The following MKI67 variants were observed in gnomAD, a reference collection of about 807,000 sequenced individuals.
MKI67 encodes proliferation marker protein Ki-67.
A neutral mutation model predicts 233.5 loss-of-function variants in MKI67; 152 were observed. The ratio of observed to expected loss-of-function variants is 0.65; its 90% CI spans 0.57 to 0.74. The LOEUF (loss-of-function observed/expected upper bound fraction) is 0.74. MKI67 is among the 30% of genes least tolerant of loss of function. The probability of loss-of-function intolerance (pLI) is 0.00; values close to 1 mark genes in which losing one functional copy is unlikely to be tolerated. For missense variants in MKI67, 3,940 were observed against 3,885.2 expected (o/e 1.01, Z -0.37); for synonymous variants, 1,465 against 1,418.5 (o/e 1.03, Z -0.74).
At chr10:128,112,573 T>C (rs1852705484) in intron 8 of MKI67, 128 bp from the exon 9 acceptor site, 2 of 911,588 alleles carry the variant, frequency 2.2e-6, no homozygotes, top group Middle Eastern at 2.4e-4. Context: ...CTTAAGCCAC[T>C]GTCTTTGAAG....
Position 128,125,475 on chromosome 10 carries a change from G to A in MKI67, c.92+101C>T. 1 of 885,794 alleles carries A rather than the reference G, an allele frequency of 1.1e-6. No individual in the cohort carries two copies. Among genetic ancestry groups the A allele is most frequent in the Middle Eastern group, 3.4e-4 (1 of 2,966 alleles). 54.9% of individuals were successfully genotyped at this position (885,794 alleles called of 1,614,324 possible). A position where few individuals can be genotyped will look rare whatever the true frequency, so the allele number is the denominator to read the frequency against. ...GGGAGAAGCACCAAGGAAAAGTGAC[G>A]GCAGGACCCAATCCTAGAGCGCGTT... On this transcript the variant is annotated intron_variant, in intron 2 of 14. Coordinates refer to ENST00000368654, the MANE Select transcript of MKI67 (RefSeq NM_002417.5). The surrounding 1 kb of genome is among the most constrained non-coding windows in gnomAD (Gnocchi z 5.3).
intron 7 of MKI67, 48 bp downstream of exon 7, chr10:128,114,880 A>C (rs1565011635): frequency 6.8e-7 from 1 of 1,476,734 alleles, no homozygotes; most frequent in African/African-American, 1.4e-5. Context: ...AGCTACATAG[A>C]AGGTGTTCAT....
rs1852511611 is a variant in MKI67, at chr10:128,106,853, G to T, written c.4987C>A (p.His1663Asn). The T allele has an allele frequency of 2.5e-6, 4 of 1,614,024 alleles. No homozygotes were observed. The African/African-American group carries it at 4.0e-5, about 16-fold the overall frequency. The change falls in exon 13 of 15, where the codon CAC (histidine) becomes AAC (asparagine). Residue 1663 changes from histidine to asparagine, a missense_variant. His to Asn is a moderately conservative substitution (Grantham distance 68). Transcript: ENST00000368654. ...TTACCATCTCCTGTTGGCTCTGTGTGTGTGTGTGTAGTCTCTCCTGATGTC... is the reference window on the plus strand; with the variant it reads ...TTACCATCTCCTGTTGGCTCTGTGTTTGTGTGTGTAGTCTCTCCTGATGTC... Reference protein sequence around the residue: ...TQTSGETTHTHTEPTGDGKSM... With the variant: ...TQTSGETTHTNTEPTGDGKSM...
In MKI67 at chr10:128,098,856, C is replaced by A. The variant is rs181878393; in HGVS notation, c.*334G>T. ...CTGGAGGACATAGGCAAACAAACGA[C>A]GACACAGTGTGGCAAGTGTCACAGT... On this transcript the variant is annotated 3_prime_UTR_variant, in exon 15 of 15. Coordinates refer to ENST00000368654, the MANE Select transcript of MKI67 (RefSeq NM_002417.5). The A allele has an allele frequency of 7.0e-4, 134 of 192,114 alleles. 3 individuals carry two copies. In the Admixed American group the frequency reaches 7.5e-3, roughly 11 times the overall value. 11.9% of individuals were successfully genotyped at this position (192,114 alleles called of 1,614,324 possible).
rs1852358886 is a variant in MKI67, at chr10:128,102,612, T to A, written c.9228A>T (p.Glu3076Asp). The A allele has an allele frequency of 6.2e-7, 1 of 1,614,106 alleles. No individual in the cohort carries two copies. Among genetic ancestry groups the A allele is most frequent in the Non-Finnish European group, 8.5e-7 (1 of 1,179,930 alleles). The change falls in exon 13 of 15, where the codon GAA becomes GAT. Residue 3076 changes from glutamate (E) to aspartate (D), a missense_variant. Physicochemically the swap from Glu to Asp is conservative, Grantham distance 45 (BLOSUM62 2). Transcript: ENST00000368654. ...NSNDMKTNKE[E>D]HKLQDSVPEN... The stretch of plus-strand genomic sequence containing the variant: ...CAGGGACCGAGTCTTGTAATTTGTG[T>A]TCCTCTTTGTTGGTTTTCATGTCGT...
rs151084771 is a variant in MKI67, at chr10:128,115,366, G to A, written c.1042C>T (p.Pro348Ser). ...PLYEPAKMKT[P>S]VQYSQQQNSP... ...TTTTGTTGCTGTGAATATTGTACAG[G>A]GGTCTTCATTTTAGCCGGCTCATAG... The change falls in exon 7 of 15, where the codon CCT becomes TCT. Residue 348 changes from proline (P) to serine (S), a missense_variant. Physicochemically the swap from Pro to Ser is moderately conservative, Grantham distance 74. Transcript: ENST00000368654. 4.3e-6 allele frequency: 7 copies of A among 1,614,146 alleles called. No individual in the cohort carries two copies. The South Asian group carries it at 5.5e-5, about 13-fold the overall frequency.
At position 128,108,505 on chromosome 10, in the gene MKI67, G is replaced by C. The variant is rs537458807; in HGVS notation, c.3335C>G (p.Pro1112Arg). 64 of 1,613,948 alleles carry C rather than the reference G, an allele frequency of 4.0e-5. No individual in the cohort carries two copies. In the Admixed American group the frequency reaches 9.0e-4, roughly 23 times the overall value. The change falls in exon 13 of 15, where the codon CCA becomes CGA. Residue 1112 changes from proline (P) to arginine (R), a missense_variant. Coordinates refer to ENST00000368654, the MANE Select transcript of MKI67 (RefSeq NM_002417.5). ...AGTCATTGATTCCTCAGAGGGACCT[G>C]GTGTCTGGAAGAGCTCTTTGAAGCC... ...LAGFKELFQT[P>R]GPSEESMTDE...
At position 128,103,624 on chromosome 10, in the gene MKI67, G is replaced by C. The variant is rs918277084; in HGVS notation, c.8216C>G (p.Ala2739Gly). 1.2e-6 allele frequency: 2 copies of C among 1,614,170 alleles called. No homozygotes were observed. Among genetic ancestry groups the C allele is most frequent in the Non-Finnish European group, 1.7e-6 (2 of 1,180,034 alleles). ...CCCTGATGTTTGTGTGAACTTGACT[G>C]CTGAAGGCTCTTCTTTTACTTGTAC... ...QKVQVKEEPS[A>G]VKFTQTSGET... The change falls in exon 13 of 15, where the codon GCA becomes GGA. Residue 2739 changes from alanine to glycine, a missense_variant. Ala to Gly is a moderately conservative substitution (Grantham distance 60). Transcript: ENST00000368654.
rs777357041 is a variant in MKI67, at chr10:128,107,382, G to A, written c.4458C>T (p.His1486=). 2.2e-5 allele frequency: 35 copies of A among 1,613,180 alleles called. No homozygotes were observed. Among genetic ancestry groups the A allele is most frequent in the Admixed American group, 1.3e-4 (8 of 59,924 alleles). The change falls in exon 13 of 15, where the codon CAC becomes CAT. Residue 1486 remains histidine (H), a synonymous_variant. Transcript: ENST00000368654. ...TGCAGGCTATTTTGGTAGTTTTCTC[G>A]TGAGTCGTGGGCTTGTCAGTGCATA... The part of the protein sequence containing the change: ...TPVCTDKPTT[H]EKTTKIACRS...
At position 128,097,311 on chromosome 10, in the gene MKI67, G is replaced by A. The variant is rs1345120233; in HGVS notation, c.*1879C>T. The A allele has an allele frequency of 6.6e-6, 1 of 152,102 alleles. No individual in the cohort carries two copies. The highest frequency in any genetic ancestry group is 2.4e-5 in the African/African-American group (1 of 41,392). The allele number at this position is 152,102 out of a possible 1,614,324, so 9.4% of individuals were successfully genotyped here. On this transcript the variant is annotated 3_prime_UTR_variant, in exon 15 of 15. Transcript: ENST00000368654. Reference sequence around the variant, plus strand: ...CAGTACCAAGGAGGGTTGTGTAGAAGTGGTGTTCATCTATTAAACACGGGG... The same window carrying A: ...CAGTACCAAGGAGGGTTGTGTAGAAATGGTGTTCATCTATTAAACACGGGG...
rs755279393 is a variant in MKI67, at chr10:128,108,914, T to C, written c.2926A>G (p.Met976Val). The change falls in exon 13 of 15, where the codon ATG becomes GTG. Residue 976 changes from methionine to valine, a missense_variant. Coordinates refer to ENST00000368654, the MANE Select transcript of MKI67 (RefSeq NM_002417.5). ...DLKSLPDTEL[M>V]KDTARGQNLL... ...TTCTGGCCACGTGCCGTGTCTTTCA[T>C]GAGTTCTGTATCAGGCAAGCTCTTG... The C allele has an allele frequency of 3.7e-6, 6 of 1,614,080 alleles. No individual in the cohort carries two copies. The highest frequency in any genetic ancestry group is 5.1e-6 in the Non-Finnish European group (6 of 1,179,870).
rs117762702 is a variant in MKI67 at position 128,116,008 on chromosome 10, C to T, written c.401-1G>A. ...GCCTTGGAATCTTGAGCTTTCTCAT[C>T]TTGGCAATGAATTATGAAATAAGAA... On this transcript the variant is annotated splice_acceptor_variant, in intron 6 of 14. Transcript: ENST00000368654. LOFTEE classifies it high-confidence loss of function. The T allele has an allele frequency of 6.4e-5, 100 of 1,566,494 alleles. No individual in the cohort carries two copies. The East Asian group carries it at 2.2e-3, about 34-fold the overall frequency.
At chr10:128,101,798 A>G in intron 13 of MKI67, 97 bp from the exon 14 acceptor site, 1 of 924,428 alleles carries the variant, frequency 1.1e-6, no homozygotes, top group Non-Finnish European at 1.6e-6. Context: ...CTAAAAGGAG[A>G]AATCATTTGA....
At chr10:128,099,276 T>A (rs781004939) in intron 14 of MKI67, 21 bp from the exon 15 acceptor site, 2 of 1,599,544 alleles carry the variant, frequency 1.3e-6, no homozygotes, top group Non-Finnish European at 1.7e-6. Context: ...AGAAAAAAAA[T>A]AGAACTCTTA....
In MKI67 at chr10:128,125,498, G is replaced by A. The variant is rs1397394980; in HGVS notation, c.92+78C>T. The A allele has an allele frequency of 8.5e-7, 1 of 1,182,400 alleles. No homozygotes were observed. The highest frequency in any genetic ancestry group is 1.8e-5 in the Admixed American group (1 of 55,204). The allele number at this position is 1,182,400 out of a possible 1,614,324, so 73.2% of individuals were successfully genotyped here. A position where few individuals can be genotyped will look rare whatever the true frequency, so the allele number is the denominator to read the frequency against. On this transcript the variant is annotated intron_variant, in intron 2 of 14. Transcript: ENST00000368654. The surrounding 1 kb of genome is among the most constrained non-coding windows in gnomAD (Gnocchi z 5.3). ...ACGGCAGGACCCAATCCTAGAGCGC[G>A]TTTCTGGACTTTATTCTGTGACTAA...
In MKI67 at chr10:128,107,264, C is replaced by A. The variant is rs754283069; in HGVS notation, c.4576G>T (p.Ala1526Ser). 2 of 1,614,054 alleles carry A rather than the reference C, an allele frequency of 1.2e-6. No homozygotes were observed. Among genetic ancestry groups the A allele is most frequent in the South Asian group, 1.1e-5 (1 of 91,076 alleles). ...GCTGATGGTGTTCGTTTCCTGAGTG[C>A]GAAGAATTCTTCTTCTACGTCCACT... ...RKVDVEEEFF[A>S]LRKRTPSAGK... Residue 1526 changes from alanine (A) to serine (S), a missense_variant, in exon 13 of 15, where the codon GCA becomes TCA. Physicochemically the swap from Ala to Ser is moderately conservative, Grantham distance 99 (BLOSUM62 1). Coordinates refer to ENST00000368654, the MANE Select transcript of MKI67 (RefSeq NM_002417.5).
At chr10:128,101,976 T>A (rs1236132500) in intron 13 of MKI67, among the ~76,000 whole-genome samples, 1 of 152,232 alleles carries the variant, frequency 6.6e-6, no homozygotes, top group East Asian at 1.9e-4. Flanking sequence ...ATATCAAATC[T>A]AATTTTTACA....
chr10:128,115,784 G>A lies in MKI67; in HGVS notation c.624C>T (p.Ser208=), dbSNP rs543315514. 21 of 1,612,402 alleles carry A rather than the reference G, an allele frequency of 1.3e-5. No individual in the cohort carries two copies. Among genetic ancestry groups the A allele is most frequent in the Middle Eastern group, 3.3e-4 (2 of 6,062 alleles). ...CTCCATAACGGCTCACTAATTTAAC[G>A]CTGGAAATTTCTTTAAAATCCCCAG... ...PISGDFKEIS[S]VKLVSRYGEL... The change falls in exon 7 of 15, where the codon AGC becomes AGT. Residue 208 remains serine, a synonymous_variant. Transcript: ENST00000368654.
Position 128,108,969 on chromosome 10 carries a change from T to C in MKI67, c.2871A>G (p.Lys957=). 1 of 1,614,226 alleles carries C rather than the reference T, an allele frequency of 6.2e-7. No homozygotes were observed. Among genetic ancestry groups the C allele is most frequent in the Non-Finnish European group, 8.5e-7 (1 of 1,180,032 alleles). ...CTGTCAGGTCAGACATTGGTGCACA[T>C]TTCTGCCCCCAAGTTCTTGATCTCT... ...AMKRSRTWGQ[K]CAPMSDLTDL... The change falls in exon 13 of 15, where the codon AAA becomes AAG. Residue 957 remains lysine (K), a synonymous_variant. Coordinates refer to ENST00000368654, the MANE Select transcript of MKI67 (RefSeq NM_002417.5).
Sources: allele counts gnomAD v4.1 joint callset (sites outside exome capture counted in the v4.1 genomes callset), GRCh38; gene constraint gnomAD v4.1.1; non-coding constraint Gnocchi (gnomAD v3.1); transcripts MANE v1.5; gene names NCBI Gene and HGNC (gene_info 2026-07-23, HGNC 2026-07-21).